The following FRMD6 variants were observed in gnomAD, a reference collection of about 807,000 sequenced individuals.
FRMD6 encodes the protein FERM domain-containing protein 6.
FRMD6 carries 37 observed loss-of-function variants against 73.2 expected under a neutral mutation model. The observed-to-expected ratio is 0.51, with a 90% CI of 0.39 to 0.66. The LOEUF is 0.66. Ranked by LOEUF, FRMD6 falls within the 30% of genes least tolerant of loss-of-function variation. The pLI is 0.00. For synonymous variants in FRMD6, 273 were observed against 282.2 expected (o/e 0.97, Z 0.33); for missense variants, 714 against 780.5 (o/e 0.91, Z 1.02).
chr14:51,512,781 T>A (rs538059529), intron 1 of FRMD6, among the ~76,000 whole-genome samples: 1 of 152,188 alleles, frequency 6.6e-6, no homozygotes, highest in East Asian at 1.9e-4. Context: ...GGTCATGTGA[T>A]CAGAATAGAG....
intron 1 of FRMD6, among the ~76,000 whole-genome samples, chr14:51,499,985 AG>A (rs1244579459): frequency 6.6e-6 from 1 of 152,176 alleles, no homozygotes. Context: ...AGACCTCAGC[AG>A]GGCTCCTGCT....
At chr14:51,502,633 G>C (rs1015722894) in intron 1 of FRMD6, among the ~76,000 whole-genome samples, 1 of 152,196 alleles carries the variant, frequency 6.6e-6, no homozygotes, top group South Asian at 2.1e-4. Flanking sequence ...TGGGTAACAT[G>C]ATGACTCCAG....
At chr14:51,646,145 C>T (rs1318836564) in intron 2 of FRMD6, among the ~76,000 whole-genome samples, 2 of 151,608 alleles carry the variant, frequency 1.3e-5, no homozygotes, top group African/African-American at 2.4e-5. Flanking sequence ...AGCGAAACCC[C>T]GTCTCTACTA....
At chr14:51,589,350 G>C (rs571325975) in intron 2 of FRMD6, among the ~76,000 whole-genome samples, 11 of 25,170 alleles carry the variant, frequency 4.4e-4, no homozygotes, top group Admixed American at 1.0e-3. Context: ...TTTGTTTTTG[G>C]TTTTTTTTGT....
intron 1 of FRMD6, among the ~76,000 whole-genome samples, chr14:51,661,747 G>C (rs1394078831): frequency 6.6e-6 from 1 of 152,228 alleles, no homozygotes. Flanking sequence ...GACAAGAGCT[G>C]TGTCACTGGA....
chr14:51,418,559 AG>A, the FRMD6 span, among the ~76,000 whole-genome samples: 1 of 152,206 alleles, frequency 6.6e-6, no homozygotes, highest in Non-Finnish European at 1.5e-5. Flanking sequence ...TTCATCCCAG[AG>A]GGGCACCTGC....
the FRMD6 span, among the ~76,000 whole-genome samples, chr14:51,481,823 G>T: frequency 4.6e-5 from 7 of 152,216 alleles, no homozygotes; most frequent in Non-Finnish European, 7.3e-5. Context: ...CCCTCCAAAT[G>T]CTTCCTGGAG....
chr14:51,642,015 C>T (rs892528777), intron 2 of FRMD6, among the ~76,000 whole-genome samples: 8 of 152,116 alleles, frequency 5.3e-5, no homozygotes, highest in African/African-American at 1.9e-4. Context: ...TTACAGATGC[C>T]AAAATTTATT....
chr14:51,449,681 A>G, the FRMD6 span, among the ~76,000 whole-genome samples: 1 of 152,226 alleles, frequency 6.6e-6, no homozygotes, highest in Non-Finnish European at 1.5e-5. Context: ...AAAATTATCA[A>G]AAAGCATATA....
chr14:51,526,110 G>C (rs546591363), intron 1 of FRMD6, among the ~76,000 whole-genome samples: 9 of 152,218 alleles, frequency 5.9e-5, no homozygotes, highest in Admixed American at 3.9e-4. Context: ...ACAAGTCCTC[G>C]CCCAGGGCTG....
At chr14:51,500,397 C>T (rs755622295) in intron 1 of FRMD6, among the ~76,000 whole-genome samples, 23 of 151,926 alleles carry the variant, frequency 1.5e-4, no homozygotes, top group Admixed American at 3.3e-4. Context: ...CGTGGTGGCA[C>T]GCGTCTGTAA....
intron 1 of FRMD6, among the ~76,000 whole-genome samples, chr14:51,668,279 A>G (rs1327975042): frequency 2.6e-5 from 4 of 152,198 alleles, no homozygotes; most frequent in Non-Finnish European, 5.9e-5. Context: ...AGGGTAAGAT[A>G]CTAAGGACGG....
chr14:51,713,076 C>T (rs1897032871), intron 9 of FRMD6, among the ~76,000 whole-genome samples: 1 of 151,918 alleles, frequency 6.6e-6, no homozygotes, highest in South Asian at 2.1e-4. Context: ...TTGATTTTTC[C>T]CAAGTATTTC....
the FRMD6 span, among the ~76,000 whole-genome samples, chr14:51,469,618 G>GAAAAAAA: frequency 1.0e-5 from 1 of 96,762 alleles, no homozygotes; most frequent in Non-Finnish European, 2.1e-5. Flanking sequence ...ATTTCAAAAA[G>GAAAAAAA]AAAAAAAAAA....
intron 1 of FRMD6, among the ~76,000 whole-genome samples, chr14:51,518,078 T>A (rs1884734600): frequency 6.6e-6 from 1 of 152,218 alleles, no homozygotes; most frequent in Non-Finnish European, 1.5e-5. Flanking sequence ...TTATTTTAAA[T>A]AACGTTTGCA....
intron 1 of FRMD6, among the ~76,000 whole-genome samples, chr14:51,549,781 G>C (rs1213550372): frequency 6.6e-6 from 1 of 151,728 alleles, no homozygotes; most frequent in Non-Finnish European, 1.5e-5. Context: ...ATTTTTAGTA[G>C]AGACGGGGTT....
chr14:51,685,570 G>T (rs1228309646), intron 1 of FRMD6, among the ~76,000 whole-genome samples: 1 of 152,110 alleles, frequency 6.6e-6, no homozygotes, highest in Non-Finnish European at 1.5e-5. Flanking sequence ...ATCACTTTTG[G>T]GATAGGATAC....
chr14:51,635,512 CT>C (rs1891518709), intron 2 of FRMD6, among the ~76,000 whole-genome samples: 1 of 152,188 alleles, frequency 6.6e-6, no homozygotes, highest in African/African-American at 2.4e-5. Flanking sequence ...AGTAAAAGCC[CT>C]TGGTTATCCA....
chr14:51,535,667 G>A (rs1300188982), intron 1 of FRMD6, among the ~76,000 whole-genome samples: 2 of 152,190 alleles, frequency 1.3e-5, no homozygotes, highest in Non-Finnish European at 2.9e-5. Context: ...TGGTTACTAT[G>A]AGTAACGTTG....
Sources: allele counts gnomAD v4.1 joint callset (sites outside exome capture counted in the v4.1 genomes callset), GRCh38; gene constraint gnomAD v4.1.1; transcripts MANE v1.5; gene names NCBI Gene and HGNC (gene_info 2026-07-23, HGNC 2026-07-21).